RNF17: variants seen among roughly 807,000 people sequenced by gnomAD.
RNF17 encodes spermatogenesis associated 23.
In RNF17, 31 loss-of-function variants were observed where a neutral mutation model predicts 200.5. The observed-to-expected ratio is 0.15, with a 90% confidence interval of 0.12 to 0.21. RNF17 has a LOEUF of 0.21. RNF17 is among the 10% of genes least tolerant of loss of function. The pLI is 1.00. For synonymous variants in RNF17, 606 were observed against 637.8 expected (o/e 0.95, Z 0.75); for missense variants, 1,628 against 1,905.1 (o/e 0.85, Z 2.71).
intron 24 of RNF17, among the ~76,000 whole-genome samples, chr13:24,852,328 C>T (rs555332773): frequency 5.3e-5 from 8 of 152,040 alleles, no homozygotes; most frequent in East Asian, 1.9e-4. Flanking sequence ...TTAGTAGAGA[C>T]GGGGTTTCAC....
At chr13:24,759,122 T>C in the RNF17 span, among the ~76,000 whole-genome samples, 1 of 144,708 alleles carries the variant, frequency 6.9e-6, no homozygotes, top group Non-Finnish European at 1.5e-5. Flanking sequence ...ACATTCTAAA[T>C]TAGAATTGAG....
chr13:24,748,746 G>GT, the RNF17 span, among the ~76,000 whole-genome samples: 13 of 121,540 alleles, frequency 1.1e-4, no homozygotes. Flanking sequence ...GGTTTTTTTT[G>GT]TTTTTTGTTT....
At chr13:24,864,750 T>G (rs1420108578) in intron 28 of RNF17, 123 bp from the exon 29 acceptor site, 1 of 691,270 alleles carries the variant, frequency 1.4e-6, no homozygotes, top group Non-Finnish European at 2.4e-6. Flanking sequence ...ATGAAATGAG[T>G]CACTAGCCAA....
chr13:24,762,331 T>C (rs1878821901), upstream of RNF17, among the ~76,000 whole-genome samples: 1 of 136,698 alleles, frequency 7.3e-6, no homozygotes. Context: ...ATCTCGCCAT[T>C]GCACTCCAGC....
In RNF17 at chr13:24,828,201, GT is replaced by G. The variant is rs1255886929; in HGVS notation, c.2246-2282del. On this transcript the variant is annotated intron_variant, in intron 16 of 35. Coordinates refer to ENST00000255324, the MANE Select transcript of RNF17 (RefSeq NM_031277.3). Reference sequence around the variant, plus strand: ...ATAAGGCCTCTGAAATCTTTGAGTAGTAACATTTGGGGAAGATGGAGTGTGC... The same window carrying G: ...ATAAGGCCTCTGAAATCTTTGAGTAGAACATTTGGGGAAGATGGAGTGTGC... Among the ~76,000 whole-genome samples the G allele has an allele frequency of 4.6e-5, 7 of 151,536 alleles. No individual in the cohort carries two copies. In the South Asian group the frequency reaches 6.3e-4, roughly 14 times the overall value.
chr13:24,852,119 A>T (rs1234655402), intron 24 of RNF17, among the ~76,000 whole-genome samples: 1 of 149,676 alleles, frequency 6.7e-6, no homozygotes, highest in Non-Finnish European at 1.5e-5. Flanking sequence ...CTCTAGCTTA[A>T]TCTTTTCTCT....
At chr13:24,772,787 T>G (rs1317493382) in intron 2 of RNF17, among the ~76,000 whole-genome samples, 1 of 152,096 alleles carries the variant, frequency 6.6e-6, no homozygotes, top group African/African-American at 2.4e-5. Context: ...ATTTTTTGTA[T>G]TTTTAGTAGA....
intron 5 of RNF17, 113 bp downstream of exon 5, chr13:24,779,860 A>G (rs1882109006): frequency 1.5e-6 from 1 of 687,392 alleles, no homozygotes; most frequent in South Asian, 2.7e-5. Context: ...GTTATTAAGC[A>G]TGATAATCTA....
chr13:24,845,009 T>C lies in RNF17; in HGVS notation c.3031T>C (p.Leu1011=), dbSNP rs1891095935. The change falls in exon 22 of 36, where the codon TTA becomes CTA. Residue 1011 remains leucine, a synonymous_variant. Coordinates refer to ENST00000255324, the MANE Select transcript of RNF17 (RefSeq NM_031277.3). The part of the protein sequence containing the change: ...GVELVVNVDC[L]RKLEENLKTM... Reference sequence around the variant, plus strand: ...TGAACTAGTAGTGAATGTTGACTGTTTAAGAAAACTTGAAGAAAATCTAAA... The same window carrying C: ...TGAACTAGTAGTGAATGTTGACTGTCTAAGAAAACTTGAAGAAAATCTAAA... 6.2e-7 allele frequency: 1 copy of C among 1,608,000 alleles called. No individual in the cohort carries two copies. The highest frequency in any genetic ancestry group is 1.3e-5 in the African/African-American group (1 of 74,832).
At chr13:24,840,893 T>A (rs537539723) in intron 18 of RNF17, among the ~76,000 whole-genome samples, 24 of 152,240 alleles carry the variant, frequency 1.6e-4, no homozygotes, top group African/African-American at 3.9e-4. Context: ...TGGAAAAAAA[T>A]TTTTTAAAAA....
intron 15 of RNF17, among the ~76,000 whole-genome samples, chr13:24,808,390 T>G (rs1416616548): frequency 6.7e-6 from 1 of 149,660 alleles, no homozygotes; most frequent in African/African-American, 2.5e-5. Context: ...CTAGGTATTT[T>G]ATTCTCTTTG....
chr13:24,804,981 GT>G (rs1885674155), intron 15 of RNF17, among the ~76,000 whole-genome samples: 1 of 152,096 alleles, frequency 6.6e-6, no homozygotes, highest in Non-Finnish European at 1.5e-5. Context: ...GAAAGACACT[GT>G]TGTCTCCATT....
At chr13:24,817,242 A>G (rs1234549718) in intron 15 of RNF17, among the ~76,000 whole-genome samples, 1 of 152,126 alleles carries the variant, frequency 6.6e-6, no homozygotes, top group Non-Finnish European at 1.5e-5. Flanking sequence ...TATCTGGTCC[A>G]GGGCTTTTCA....
chr13:24,851,058 G>A (rs1394022110), intron 23 of RNF17, among the ~76,000 whole-genome samples: 2 of 152,068 alleles, frequency 1.3e-5, no homozygotes, highest in African/African-American at 4.8e-5. Flanking sequence ...GCAGTGGCGC[G>A]ATCTCGGCTC....
chr13:24,852,630 G>A (rs571788763), intron 24 of RNF17, among the ~76,000 whole-genome samples: 2 of 152,272 alleles, frequency 1.3e-5, no homozygotes, highest in Non-Finnish European at 2.9e-5. Context: ...AAGAAAGTGG[G>A]ACATGAGGCT....
intron 18 of RNF17, among the ~76,000 whole-genome samples, chr13:24,839,398 T>C (rs890478833): frequency 1.3e-5 from 2 of 152,084 alleles, no homozygotes; most frequent in Non-Finnish European, 2.9e-5. Context: ...AAAATTCATA[T>C]AGAACCAAAA....
chr13:24,755,390 A>G, the RNF17 span, among the ~76,000 whole-genome samples: 2 of 152,130 alleles, frequency 1.3e-5, no homozygotes, highest in Non-Finnish European at 2.9e-5. Flanking sequence ...ATGATTACAA[A>G]TTTTTCAAAA....
chr13:24,799,682 A>G, intron 12 of RNF17, 98 bp downstream of exon 12: 2 of 712,866 alleles, frequency 2.8e-6, no homozygotes, highest in Admixed American at 3.0e-5. Flanking sequence ...GAGAGGAGTA[A>G]TTTGTCATTC....
intron 18 of RNF17, among the ~76,000 whole-genome samples, chr13:24,833,685 A>G (rs1889669476): frequency 6.6e-6 from 1 of 152,186 alleles, no homozygotes; most frequent in Admixed American, 6.5e-5. Context: ...ATTAACTTAG[A>G]TTATTTTATT....
Sources: gnomAD v4.1 joint callset for allele counts (sites outside exome capture counted in the v4.1 genomes callset) on GRCh38, gnomAD v4.1.1 for gene constraint, MANE v1.5 for transcripts, NCBI Gene and HGNC (gene_info 2026-07-23, HGNC 2026-07-21) for gene names.